Variants in PDE4D observed in about 807,000 individuals in gnomAD.
PDE4D encodes phosphodiesterase 4D.
Under a neutral mutation model 87.4 loss-of-function variants are expected in PDE4D, and 24 were observed. The observed-to-expected ratio is 0.27, with a 90% CI of 0.20 to 0.39. PDE4D has a LOEUF of 0.39. PDE4D is among the 10% of genes least tolerant of loss of function. The pLI is 1.00. For missense variants in PDE4D, 714 were observed against 1,041.0 expected, an observed-to-expected ratio of 0.69 and a Z score of 4.32; for synonymous variants, 384 against 383.2, an observed-to-expected ratio of 1.00 and a Z score of -0.02.
In PDE4D at chr5:59,847,598, A is replaced by G. The variant is rs1310222427; in HGVS notation, c.455+45570T>C. 2.6e-4 allele frequency among the ~76,000 whole-genome samples: 40 copies of G among 152,082 alleles called. 1 individual carries two copies. Among genetic ancestry groups the G allele is most frequent in the Non-Finnish European group, 5.9e-5 (4 of 67,984 alleles). On this transcript the variant is annotated intron_variant, in intron 1 of 14. Coordinates refer to ENST00000340635, the MANE Select transcript of PDE4D (RefSeq NM_001104631.2). ...ATTAGAAACCATCTAAACCTCTCAA[A>G]TATCAAACTACTTTTCTTCCTGAAG... is the stretch of plus-strand genomic sequence containing the variant.
intron 1 of PDE4D, among the ~76,000 whole-genome samples, chr5:59,342,160 G>C (rs1433654327): frequency 1.3e-5 from 2 of 152,082 alleles, no homozygotes; most frequent in Non-Finnish European, 2.9e-5. Flanking sequence ...ACCTGAATTA[G>C]GTCCTTAAAA....
intron 1 of PDE4D, among the ~76,000 whole-genome samples, chr5:60,212,558 T>G (rs1160688084): frequency 6.6e-6 from 1 of 152,168 alleles, no homozygotes; most frequent in Non-Finnish European, 1.5e-5. Flanking sequence ...TAGGTCTGGT[T>G]TCCAGAGTTC....
At chr5:59,712,379 A>G (rs1754317531) in intron 1 of PDE4D, among the ~76,000 whole-genome samples, 1 of 135,416 alleles carries the variant, frequency 7.4e-6, no homozygotes. Context: ...ATAAGAATAA[A>G]GGTTAATATT....
chr5:60,049,780 A>G (rs960517611), intron 2 of PDE4D, among the ~76,000 whole-genome samples: 4 of 152,210 alleles, frequency 2.6e-5, no homozygotes, highest in Non-Finnish European at 5.9e-5. Flanking sequence ...GCTGTCAGAC[A>G]AGGACATTTA....
At chr5:60,378,784 C>T (rs1761626748) in intron 1 of PDE4D, among the ~76,000 whole-genome samples, 1 of 151,900 alleles carries the variant, frequency 6.6e-6, no homozygotes, top group Non-Finnish European at 1.5e-5. Flanking sequence ...ACCCGGAAGG[C>T]AGAGATTGCA....
chr5:59,467,512 G>A (rs1355367590), intron 1 of PDE4D, among the ~76,000 whole-genome samples: 1 of 152,108 alleles, frequency 6.6e-6, no homozygotes, highest in Non-Finnish European at 1.5e-5. Context: ...AAATGTTAAT[G>A]TATTTTTAAT....
At chr5:59,376,495 A>G (rs1038280396) in intron 1 of PDE4D, among the ~76,000 whole-genome samples, 2 of 152,148 alleles carry the variant, frequency 1.3e-5, no homozygotes, top group African/African-American at 2.4e-5. Context: ...AAAAATCTCT[A>G]CAAGGAGAAC....
intron 1 of PDE4D, among the ~76,000 whole-genome samples, chr5:59,758,427 G>A (rs1250778910): frequency 1.3e-5 from 2 of 152,122 alleles, no homozygotes; most frequent in Non-Finnish European, 1.5e-5. Context: ...TTTCTTCTCA[G>A]ATCAACTTTT....
intron 1 of PDE4D, among the ~76,000 whole-genome samples, chr5:60,263,954 TAATA>T (rs1160237539): frequency 6.7e-6 from 1 of 149,324 alleles, no homozygotes; most frequent in Non-Finnish European, 1.5e-5. Context: ...AAACTAAAAA[TAATA>T]AATACCAGTG....
At chr5:59,606,020 A>T (rs1828149375) in intron 1 of PDE4D, among the ~76,000 whole-genome samples, 1 of 152,114 alleles carries the variant, frequency 6.6e-6, no homozygotes, top group Non-Finnish European at 1.5e-5. Context: ...CTAAATAAGA[A>T]CAGTTGATAT....
chr5:59,690,225 G>T (rs1750672864), intron 1 of PDE4D, among the ~76,000 whole-genome samples: 1 of 152,108 alleles, frequency 6.6e-6, no homozygotes, highest in Admixed American at 6.5e-5. Flanking sequence ...CTACTTTAAA[G>T]TTTATGTGGA....
At chr5:59,401,487 T>TC (rs59711307) in intron 1 of PDE4D, among the ~76,000 whole-genome samples, 11 of 151,416 alleles carry the variant, frequency 7.3e-5, no homozygotes, top group African/African-American at 2.7e-4. Context: ...TATCTATCTA[T>TC]TTTGATCCCA....
At chr5:60,427,981 C>T (rs1743866130) in intron 1 of PDE4D, among the ~76,000 whole-genome samples, 1 of 152,128 alleles carries the variant, frequency 6.6e-6, no homozygotes, top group Non-Finnish European at 1.5e-5. Context: ...GAGGCCGAGG[C>T]AGGAGGACTG....
intron 1 of PDE4D, among the ~76,000 whole-genome samples, chr5:60,329,579 C>G (rs747451653): frequency 5.9e-5 from 9 of 152,140 alleles, no homozygotes; most frequent in Non-Finnish European, 8.8e-5. Context: ...TCTATGAGAG[C>G]AGAGGTAAAG....
chr5:59,722,263 A>T (rs1030607641), intron 1 of PDE4D, among the ~76,000 whole-genome samples: 2 of 152,228 alleles, frequency 1.3e-5, no homozygotes, highest in African/African-American at 4.8e-5. Context: ...CATAAATAAG[A>T]TGCTTTTGAT....
chr5:60,206,953 C>A (rs1742606195), intron 1 of PDE4D, among the ~76,000 whole-genome samples: 1 of 152,046 alleles, frequency 6.6e-6, no homozygotes, highest in Non-Finnish European at 1.5e-5. Context: ...TGTGGTACAC[C>A]TGATAAGTTC....
intron 1 of PDE4D, among the ~76,000 whole-genome samples, chr5:59,375,180 A>G (rs1784516391): frequency 6.6e-6 from 1 of 152,212 alleles, no homozygotes; most frequent in South Asian, 2.1e-4. Flanking sequence ...GAAATAACCA[A>G]AATCAGAGCT....
chr5:59,748,827 C>T lies in PDE4D; in HGVS notation c.455+144341G>A, dbSNP rs140091589. Among the ~76,000 whole-genome samples the T allele has an allele frequency of 1.2e-4, 18 of 152,240 alleles. No individual in the cohort carries two copies. In the East Asian group the frequency reaches 3.5e-3, roughly 29 times the overall value. ...AAAACAACAACAAAAAAAAGAACAC[C>T]CAGCCCTTTGGAGAAGCACAAACAG... On this transcript the variant is annotated intron_variant, in intron 1 of 14. Coordinates refer to ENST00000340635, the MANE Select transcript of PDE4D (RefSeq NM_001104631.2).
At chr5:59,053,651 T>TG (rs772062584) in intron 5 of PDE4D, among the ~76,000 whole-genome samples, 6,783 of 88,402 alleles carry the variant, frequency 0.077, 506 homozygotes, top group East Asian at 0.41. Flanking sequence ...TTTTGTTTTT[T>TG]TTTGTTGTTG....
Sources: gnomAD v4.1 joint callset for allele counts (sites outside exome capture counted in the v4.1 genomes callset) on GRCh38, gnomAD v4.1.1 for gene constraint, MANE v1.5 for transcripts, NCBI Gene and HGNC (gene_info 2026-07-23, HGNC 2026-07-21) for gene names.